KCNT1: variants seen among roughly 807,000 people sequenced by gnomAD.
KCNT1 encodes potassium channel subfamily T member 1.
A neutral mutation model predicts 147.8 loss-of-function variants in KCNT1; 78 were observed. The ratio of observed to expected loss-of-function variants is 0.53; its 90% CI spans 0.44 to 0.64. The LOEUF (loss-of-function observed/expected upper bound fraction) is 0.64. Among genes scored for constraint, KCNT1 ranks in the 30% least tolerant of loss-of-function variants. The probability of loss-of-function intolerance (pLI) is 0.00; values close to 1 mark genes in which losing one functional copy is unlikely to be tolerated. For missense variants in KCNT1, 1,419 were observed against 1,750.3 expected (o/e 0.81, Z 3.38); for synonymous variants, 867 against 748.8 (o/e 1.16, Z -2.58).
intron 1 of KCNT1, among the ~76,000 whole-genome samples, chr9:135,704,912 G>T (rs1351651647): frequency 1.3e-5 from 2 of 152,254 alleles, no homozygotes; most frequent in African/African-American, 2.4e-5. Flanking sequence ...GAACTCAGGG[G>T]TCTGCTGTGG....
chr9:135,749,520 G>A (rs1336721710), intron 2 of KCNT1, among the ~76,000 whole-genome samples: 1 of 152,160 alleles, frequency 6.6e-6, no homozygotes, highest in Non-Finnish European at 1.5e-5. Context: ...CCCACAGCTG[G>A]CCTGCGAGGT....
intron 2 of KCNT1, among the ~76,000 whole-genome samples, chr9:135,726,953 CA>C (rs1836190633): frequency 1.7e-4 from 1 of 5,914 alleles, no homozygotes; most frequent in African/African-American, 5.6e-4. Context: ...CTCTCTTTCC[CA>C]TTCTCCCTCT....
intron 2 of KCNT1, among the ~76,000 whole-genome samples, chr9:135,738,245 G>C (rs1296455787): frequency 2.0e-5 from 3 of 152,214 alleles, no homozygotes; most frequent in Non-Finnish European, 2.9e-5. Flanking sequence ...CACATGGGTG[G>C]CCTCGCTCAT....
At chr9:135,769,041 CG>C in intron 15 of KCNT1, 104 bp downstream of exon 15, 1 of 821,024 alleles carries the variant, frequency 1.2e-6, no homozygotes, top group Non-Finnish European at 1.8e-6. Context: ...ACATGTGTGA[CG>C]GTGCGTCTGG....
chr9:135,708,551 T>A (rs144202847), intron 1 of KCNT1, among the ~76,000 whole-genome samples: 130 of 152,300 alleles, frequency 8.5e-4, no homozygotes, highest in South Asian at 4.8e-3. Flanking sequence ...TCACAATCTT[T>A]TTTTGTTGTT....
rs186976887 is a variant in KCNT1, at chr9:135,707,257, G to A, written c.110+4889G>A. On this transcript the variant is annotated intron_variant, in intron 1 of 30. Transcript: ENST00000371757. ...CTCTGGGGGAATGAGCAGGGGCATG[G>A]TGGTGCCTCCCATAGCTGTGGGAGA... 5.8e-3 allele frequency among the ~76,000 whole-genome samples: 881 copies of A among 152,284 alleles called. 4 individuals carry two copies. Among genetic ancestry groups the A allele is most frequent in the Non-Finnish European group, 9.5e-3 (646 of 67,996 alleles).
intron 2 of KCNT1, among the ~76,000 whole-genome samples, chr9:135,721,122 C>T (rs919913593): frequency 6.6e-6 from 1 of 152,128 alleles, no homozygotes; most frequent in East Asian, 1.9e-4. Flanking sequence ...GGAAGGGTGG[C>T]CCCTGGACTG....
At chr9:135,744,486 C>T (rs1830714312) in intron 2 of KCNT1, among the ~76,000 whole-genome samples, 1 of 152,180 alleles carries the variant, frequency 6.6e-6, no homozygotes. Flanking sequence ...GGGGCAGAGC[C>T]GCCACCTGGG....
intron 1 of KCNT1, among the ~76,000 whole-genome samples, chr9:135,703,733 G>C (rs1835129616): frequency 6.6e-6 from 1 of 152,214 alleles, no homozygotes; most frequent in Non-Finnish European, 1.5e-5. Context: ...TTCTGCTGGA[G>C]TTTATCACCT....
intron 2 of KCNT1, among the ~76,000 whole-genome samples, chr9:135,737,391 C>T (rs1248940434): frequency 2.6e-5 from 4 of 152,020 alleles, no homozygotes; most frequent in Non-Finnish European, 5.9e-5. Context: ...CCCCATTTCA[C>T]GGATGAGGAC....
intron 1 of KCNT1, among the ~76,000 whole-genome samples, chr9:135,709,366 T>C (rs950614373): frequency 3.3e-5 from 5 of 152,146 alleles, no homozygotes; most frequent in African/African-American, 4.8e-5. Flanking sequence ...CTGTTTTCAG[T>C]GTTCACCTTC....
chr9:135,776,219 C>A (rs1471063290), intron 20 of KCNT1, among the ~76,000 whole-genome samples: 2 of 151,986 alleles, frequency 1.3e-5, no homozygotes, highest in Non-Finnish European at 2.9e-5. Flanking sequence ...CTCGACCCAG[C>A]GGCTTCAACA....
At position 135,751,009 on chromosome 9, in the gene KCNT1, C is replaced by T; in HGVS notation, c.402C>T (p.Val134=). The change falls in exon 4 of 31, where the codon GTC becomes GTT. Residue 134 remains valine, a synonymous_variant. Coordinates refer to ENST00000371757, the MANE Select transcript of KCNT1 (RefSeq NM_020822.3). ...CCTGCCTGCTCTACATTGTGCGCGT[C>T]CTGCTCGATGACCCGGCCCTGGGCA... ...LLTCLLYIVR[V]LLDDPALGIG... 6.2e-7 allele frequency: 1 copy of T among 1,612,666 alleles called. No homozygotes were observed. Among genetic ancestry groups the T allele is most frequent in the Non-Finnish European group, 8.5e-7 (1 of 1,179,850 alleles).
Position 135,757,452 on chromosome 9 carries a change from CTG to C in KCNT1, c.759+74_759+75del, listed in dbSNP as rs371540022. The C allele has an allele frequency of 3.1e-5, 44 of 1,410,444 alleles. No individual in the cohort carries two copies. In the African/African-American group the frequency reaches 5.5e-4, roughly 18 times the overall value. The allele number at this position is 1,410,444 out of a possible 1,614,324, so 87.4% of individuals were successfully genotyped here. A position where few individuals can be genotyped will look rare whatever the true frequency, so the allele number is the denominator to read the frequency against. The stretch of plus-strand genomic sequence containing the variant: ...TCAGCCTCACCGGCCCTGGAAGACA[CTG>C]TGCGACGTAGCCTGCCACGCCCCGG... On this transcript the variant is annotated intron_variant, in intron 9 of 30. Coordinates refer to ENST00000371757, the MANE Select transcript of KCNT1 (RefSeq NM_020822.3).
At chr9:135,762,125 C>A (rs991027661) in intron 11 of KCNT1, among the ~76,000 whole-genome samples, 1 of 152,226 alleles carries the variant, frequency 6.6e-6, no homozygotes, top group Admixed American at 6.5e-5. Context: ...ACCAGGGGAG[C>A]CCCCACCTCC....
chr9:135,791,326 G>T (rs985888567), intron 29 of KCNT1: 2 of 181,562 alleles, frequency 1.1e-5, no homozygotes, highest in African/African-American at 4.7e-5. Context: ...ATAGGCATGG[G>T]TTGCTATGAA....
At chr9:135,754,385 G>T (rs1478158589) in intron 5 of KCNT1, among the ~76,000 whole-genome samples, 1 of 152,240 alleles carries the variant, frequency 6.6e-6, no homozygotes, top group Non-Finnish European at 1.5e-5. Flanking sequence ...CCTGAGCCCA[G>T]TGAGAGATGC....
At chr9:135,759,904 C>A in intron 11 of KCNT1, 45 bp downstream of exon 11, 1 of 1,525,146 alleles carries the variant, frequency 6.6e-7, no homozygotes, top group Non-Finnish European at 8.9e-7. Flanking sequence ...AGCAAAGGGA[C>A]AGGCGGGTGC....
intron 28 of KCNT1, chr9:135,785,912 G>A (rs991031888): frequency 7.6e-6 from 4 of 528,718 alleles, no homozygotes; most frequent in African/African-American, 2.0e-5. Context: ...TCAGAGAGGC[G>A]AAGGGAGCTG....
Sources: gnomAD v4.1 joint callset for allele counts (sites outside exome capture counted in the v4.1 genomes callset) on GRCh38, gnomAD v4.1.1 for gene constraint, MANE v1.5 for transcripts, NCBI Gene and HGNC (gene_info 2026-07-23, HGNC 2026-07-21) for gene names.